The following DIP2A variants were observed in gnomAD, a reference collection of about 807,000 sequenced individuals.
DIP2A encodes the protein DIP2 acetate--CoA ligase A.
DIP2A carries 85 observed loss-of-function variants against 177.4 expected under a neutral mutation model. That is an observed-to-expected ratio of 0.48 (90% confidence interval 0.40 to 0.57). The LOEUF (loss-of-function observed/expected upper bound fraction) is 0.57. Ranked by LOEUF, DIP2A falls within the 20% of genes least tolerant of loss-of-function variation. The pLI is 0.00. For missense variants in DIP2A, 1,791 were observed against 2,100.2 expected, an observed-to-expected ratio of 0.85 and a Z score of 2.88; for synonymous variants, 886 against 881.8, an observed-to-expected ratio of 1.00 and a Z score of -0.08.
intron 1 of DIP2A, among the ~76,000 whole-genome samples, chr21:46,472,561 G>A (rs1213982692): frequency 1.3e-5 from 2 of 152,242 alleles, no homozygotes; most frequent in African/African-American, 4.8e-5. Context: ...CTTGAGCTTT[G>A]TTTTGAAAGC....
intron 6 of DIP2A, among the ~76,000 whole-genome samples, chr21:46,507,692 C>CTT (rs34594717): frequency 6.8e-5 from 3 of 43,950 alleles, no homozygotes; most frequent in Non-Finnish European, 1.1e-4. Context: ...ATTTTCTGTT[C>CTT]TTTTTTTTTT....
At chr21:46,559,858 G>C (rs528824510) in intron 32 of DIP2A, among the ~76,000 whole-genome samples, 44 of 152,288 alleles carry the variant, frequency 2.9e-4, no homozygotes, top group Non-Finnish European at 5.6e-4. Flanking sequence ...AAAGCTGGCT[G>C]AGCAGGTATG....
intron 1 of DIP2A, among the ~76,000 whole-genome samples, chr21:46,476,679 A>T (rs2055878142): frequency 6.9e-6 from 1 of 144,976 alleles, no homozygotes; most frequent in African/African-American, 2.6e-5. Flanking sequence ...TTGGAGACAG[A>T]GTCTCACTCT....
chr21:46,549,285 T>A (rs1013901537), intron 21 of DIP2A, among the ~76,000 whole-genome samples: 1 of 152,070 alleles, frequency 6.6e-6, no homozygotes, highest in Admixed American at 6.5e-5. Flanking sequence ...GACAAAGATA[T>A]CAACTCAAAG....
At chr21:46,483,059 TGA>T (rs1214491161) in intron 1 of DIP2A, among the ~76,000 whole-genome samples, 1 of 151,336 alleles carries the variant, frequency 6.6e-6, no homozygotes, top group Non-Finnish European at 1.5e-5. Context: ...AGTGATGGAG[TGA>T]GGGGGTGAAC....
chr21:46,496,874 G>C (rs1031607813), intron 3 of DIP2A, 114 bp from the exon 4 acceptor site: 2 of 1,038,236 alleles, frequency 1.9e-6, no homozygotes, highest in Non-Finnish European at 2.6e-6. Context: ...GATAGACAGA[G>C]AGAGCTTCTA....
intron 16 of DIP2A, 165 bp downstream of exon 16, chr21:46,538,767 G>A (rs1738255894): frequency 9.4e-7 from 1 of 1,066,194 alleles, no homozygotes; most frequent in Non-Finnish European, 1.3e-6. Flanking sequence ...TGATTCACTG[G>A]TTTATCCCAT....
rs569075118 is a variant in DIP2A at position 46,565,701 on chromosome 21, T to C, written c.4165-12T>C. On this transcript the variant is annotated splice_polypyrimidine_tract_variant and intron_variant, in intron 35 of 37. Coordinates refer to ENST00000417564, the MANE Select transcript of DIP2A (RefSeq NM_015151.4). Reference sequence around the variant, plus strand: ...GGTAACACATCACATTCTTGTCCTCTGGGCCCACCAGATCTGGGTAAGCAG... The same window carrying C: ...GGTAACACATCACATTCTTGTCCTCCGGGCCCACCAGATCTGGGTAAGCAG... 759 of 1,611,512 alleles carry C rather than the reference T, an allele frequency of 4.7e-4. No homozygotes were observed. Among genetic ancestry groups the C allele is most frequent in the Admixed American group, 1.6e-3 (97 of 59,726 alleles).
At chr21:46,541,579 T>A (rs2059819435) in intron 17 of DIP2A, among the ~76,000 whole-genome samples, 177 bp from the exon 18 acceptor site, 1 of 152,182 alleles carries the variant, frequency 6.6e-6, no homozygotes, top group African/African-American at 2.4e-5. Flanking sequence ...CGACGTCACA[T>A]TGCAGAGGGG....
chr21:46,517,454 C>A (rs997221771), intron 8 of DIP2A, among the ~76,000 whole-genome samples: 2 of 151,882 alleles, frequency 1.3e-5, no homozygotes, highest in Admixed American at 6.6e-5. Context: ...TTAAGAGAAA[C>A]CTCTTTCCCC....
chr21:46,580,263 G>A, the DIP2A span, among the ~76,000 whole-genome samples: 1 of 151,854 alleles, frequency 6.6e-6, no homozygotes, highest in African/African-American at 2.4e-5. Flanking sequence ...AACTAGTATT[G>A]CAACCCTTGT....
the DIP2A span, among the ~76,000 whole-genome samples, chr21:46,578,373 T>A: frequency 6.6e-6 from 1 of 152,342 alleles, no homozygotes; most frequent in South Asian, 2.1e-4. Context: ...ACAATGGGGT[T>A]TTCTGGATAT....
chr21:46,533,954 G>A, intron 11 of DIP2A, 50 bp from the exon 12 acceptor site: 1 of 1,492,640 alleles, frequency 6.7e-7, no homozygotes, highest in Non-Finnish European at 9.3e-7. Context: ...AGTGTGGGGA[G>A]CAGATGCCTC....
At chr21:46,547,160 G>T (rs970115828) in intron 21 of DIP2A, 118 bp downstream of exon 21, 3 of 1,465,058 alleles carry the variant, frequency 2.0e-6, no homozygotes, top group Admixed American at 2.5e-5. Context: ...AAAAATTGTT[G>T]TACATCAGAA....
chr21:46,541,702 C>T, intron 17 of DIP2A, 54 bp from the exon 18 acceptor site: 1 of 1,610,296 alleles, frequency 6.2e-7, no homozygotes, highest in African/African-American at 1.3e-5. Flanking sequence ...GGGCCCACCT[C>T]CCTGGAATTT....
rs1384129801 is a variant in DIP2A, at chr21:46,566,604, CTG to C, written c.4385_4386del (p.Leu1462ArgfsTer13). The C allele has an allele frequency of 3.1e-6, 5 of 1,614,174 alleles. No homozygotes were observed. The highest frequency in any genetic ancestry group is 2.2e-5 in the South Asian group (2 of 91,082). On this transcript the variant is annotated frameshift_variant, in exon 37 of 38. Transcript: ENST00000417564. LOFTEE classifies it high-confidence loss of function. ...TGTGGTTGGGTCTCTGGATGAAACT[CTG>C]GAGCTCAGAGGCATGCGGTACCACC... is the stretch of plus-strand genomic sequence containing the variant. ...LYVVGSLDET[L>X]ELRGMRYHPI...
intron 8 of DIP2A, among the ~76,000 whole-genome samples, chr21:46,521,498 T>TG (rs2058822512): frequency 7.6e-6 from 1 of 130,754 alleles, no homozygotes; most frequent in African/African-American, 2.7e-5. Context: ...CATCTTTCAT[T>TG]ATTTTTTTAA....
intron 8 of DIP2A, among the ~76,000 whole-genome samples, chr21:46,513,334 C>T (rs1448568382): frequency 6.6e-6 from 1 of 152,162 alleles, no homozygotes. Context: ...ATCTAACTGA[C>T]TCAGTATCAT....
In DIP2A at chr21:46,567,647, G is replaced by A. The variant is rs750662986; in HGVS notation, c.*25G>A. On this transcript the variant is annotated 3_prime_UTR_variant, in exon 38 of 38. Coordinates refer to ENST00000417564, the MANE Select transcript of DIP2A (RefSeq NM_015151.4). ...AGCGCAGCACACCGGCCCAGGTGCCGGAGATGAATGAGCCCCAGCAGTCCA... is the reference window on the plus strand; with the variant it reads ...AGCGCAGCACACCGGCCCAGGTGCCAGAGATGAATGAGCCCCAGCAGTCCA... The A allele has an allele frequency of 5.4e-5, 84 of 1,557,222 alleles. No homozygotes were observed. Among genetic ancestry groups the A allele is most frequent in the African/African-American group, 1.2e-4 (9 of 73,734 alleles).
Sources: allele counts gnomAD v4.1 joint callset (sites outside exome capture counted in the v4.1 genomes callset), GRCh38; gene constraint gnomAD v4.1.1; transcripts MANE v1.5; gene names NCBI Gene and HGNC (gene_info 2026-07-23, HGNC 2026-07-21).